The following DDX10 variants were observed in gnomAD, a reference collection of about 807,000 sequenced individuals.
The protein encoded by DDX10 is DEAD-box helicase 10.
DDX10 carries 74 observed loss-of-function variants against 104.3 expected under a neutral mutation model. The observed-to-expected ratio is 0.71, with a 90% confidence interval of 0.59 to 0.86. The LOEUF is 0.86. DDX10 is among the 40% of genes least tolerant of loss of function. The pLI, the probability that DDX10 is intolerant of heterozygous loss-of-function variation, is 0.00. For synonymous variants in DDX10, 351 were observed against 353.4 expected (o/e 0.99, Z 0.08); for missense variants, 952 against 1,040.0 (o/e 0.92, Z 1.16).
intron 13 of DDX10, among the ~76,000 whole-genome samples, chr11:108,811,092 C>T (rs890105442): frequency 1.3e-5 from 2 of 152,166 alleles, no homozygotes; most frequent in African/African-American, 2.4e-5. Context: ...TTGAATCAAT[C>T]ATAGCTGGCC....
chr11:108,803,078 C>T (rs1862046049), intron 13 of DDX10, among the ~76,000 whole-genome samples: 1 of 152,216 alleles, frequency 6.6e-6, no homozygotes, highest in African/African-American at 2.4e-5. Context: ...CTGTCTCCAG[C>T]AGCTTTTGTT....
intron 13 of DDX10, among the ~76,000 whole-genome samples, chr11:108,813,264 A>T (rs965481460): frequency 2.2e-4 from 33 of 150,924 alleles, no homozygotes; most frequent in African/African-American, 7.0e-4. Context: ...ATAATATCTG[A>T]TGCCACTTTT....
In DDX10 at chr11:108,896,688, G is replaced by A. The variant is rs1012123753; in HGVS notation, c.2305-21185G>A. 1.3e-4 allele frequency among the ~76,000 whole-genome samples: 20 copies of A among 152,270 alleles called. 1 individual carries two copies. Among genetic ancestry groups the A allele is most frequent in the Admixed American group, 9.2e-4 (14 of 15,286 alleles). ...TACATATTTAGAGGAATTCAAGCCA[G>A]TTTGGTATTATACATCTGTCCTCAT... is the stretch of plus-strand genomic sequence containing the variant. On this transcript the variant is annotated intron_variant, in intron 16 of 17. Coordinates refer to ENST00000322536, the MANE Select transcript of DDX10 (RefSeq NM_004398.4).
chr11:108,783,837 C>A (rs1279517234), intron 13 of DDX10, among the ~76,000 whole-genome samples: 2 of 152,044 alleles, frequency 1.3e-5, no homozygotes. Flanking sequence ...TTTAGTAGTC[C>A]CCAGTGTCTA....
chr11:108,842,916 C>T (rs1189206100), intron 15 of DDX10, among the ~76,000 whole-genome samples: 2 of 152,202 alleles, frequency 1.3e-5, no homozygotes, highest in Admixed American at 6.5e-5. Flanking sequence ...AATGTTCACC[C>T]TCTTCCCCTT....
intron 13 of DDX10, among the ~76,000 whole-genome samples, chr11:108,745,110 CCTTCCCCTTCCT>C (rs1170315280): frequency 0.02 from 2,454 of 121,346 alleles, 117 homozygotes; most frequent in African/African-American, 0.069. Context: ...CTCCCCCTCC[CCTTCCCCTTCCT>C]CTTCCCCTTC....
At chr11:108,791,837 G>T (rs545410790) in intron 13 of DDX10, among the ~76,000 whole-genome samples, 5 of 152,172 alleles carry the variant, frequency 3.3e-5, no homozygotes, top group Non-Finnish European at 5.9e-5. Flanking sequence ...GATAGTTAGT[G>T]TTTAAATTTT....
chr11:108,727,331 T>A (rs2094306560), intron 13 of DDX10, among the ~76,000 whole-genome samples: 2 of 152,104 alleles, frequency 1.3e-5, no homozygotes, highest in African/African-American at 4.8e-5. Flanking sequence ...CTTTCTTAAT[T>A]TGTGTATATA....
At chr11:108,770,295 A>G (rs1404781974) in intron 13 of DDX10, among the ~76,000 whole-genome samples, 3 of 152,160 alleles carry the variant, frequency 2.0e-5, no homozygotes, top group African/African-American at 7.2e-5. Flanking sequence ...AGTTACAGAC[A>G]ATTTGATTAT....
chr11:108,824,423 A>C (rs1353010393), intron 13 of DDX10, among the ~76,000 whole-genome samples: 2 of 152,116 alleles, frequency 1.3e-5, no homozygotes, highest in Non-Finnish European at 2.9e-5. Flanking sequence ...ATGTGACACA[A>C]GTTATCTTTA....
chr11:108,852,325 T>A, intron 16 of DDX10, 116 bp downstream of exon 16: 1 of 680,700 alleles, frequency 1.5e-6, no homozygotes, highest in Non-Finnish European at 2.4e-6. Context: ...TAAATCCTCT[T>A]CTTTTCAACA....
intron 9 of DDX10, among the ~76,000 whole-genome samples, chr11:108,695,933 G>A (rs574997151): frequency 2.0e-5 from 3 of 152,246 alleles, no homozygotes; most frequent in East Asian, 1.9e-4. Flanking sequence ...TTATGAATTA[G>A]TGGGTTCAAA....
chr11:108,678,984 C>T (rs984392233), intron 5 of DDX10, among the ~76,000 whole-genome samples: 5 of 150,528 alleles, frequency 3.3e-5, no homozygotes, highest in Non-Finnish European at 7.4e-5. Flanking sequence ...CTCAGCCTCC[C>T]GATAGCTGGG....
chr11:108,907,023 A>G (rs533966951), intron 16 of DDX10, among the ~76,000 whole-genome samples: 1 of 152,212 alleles, frequency 6.6e-6, no homozygotes, highest in African/African-American at 2.4e-5. Context: ...TGAATATTCC[A>G]AGTTCCGAAG....
chr11:108,895,331 A>G (rs986645864), intron 16 of DDX10, among the ~76,000 whole-genome samples: 1 of 151,720 alleles, frequency 6.6e-6, no homozygotes, highest in Non-Finnish European at 1.5e-5. Context: ...GTTATATCCA[A>G]GTCTCCTTTG....
In DDX10 at chr11:108,680,054, C is replaced by T. The variant is rs1017664986; in HGVS notation, c.848+494C>T. 2.6e-5 allele frequency among the ~76,000 whole-genome samples: 4 copies of T among 152,254 alleles called. No homozygotes were observed. The South Asian group carries it at 8.3e-4, about 32-fold the overall frequency. On this transcript the variant is annotated intron_variant, in intron 6 of 17. Transcript: ENST00000322536. ...TATGCAGTACTAATGTGTTATGGAA[C>T]ACATTTTATGAAGTGCATTAATATT...
At chr11:108,851,202 A>G (rs187560540) in intron 15 of DDX10, among the ~76,000 whole-genome samples, 398 of 152,230 alleles carry the variant, frequency 2.6e-3, no homozygotes, top group African/African-American at 8.8e-3. Context: ...TTAGTGTCTA[A>G]CACAGGAAAA....
chr11:108,747,675 C>T (rs1172240014), intron 13 of DDX10, among the ~76,000 whole-genome samples: 1 of 152,118 alleles, frequency 6.6e-6, no homozygotes, highest in Admixed American at 6.6e-5. Flanking sequence ...CCTATTACTT[C>T]CTAGTCTATC....
intron 13 of DDX10, among the ~76,000 whole-genome samples, chr11:108,724,562 A>T (rs1188442129): frequency 2.0e-5 from 3 of 152,086 alleles, no homozygotes; most frequent in Admixed American, 2.0e-4. Flanking sequence ...ATCCTGCTTC[A>T]AATTAGATCA....
Sources: allele counts gnomAD v4.1 joint callset (sites outside exome capture counted in the v4.1 genomes callset), GRCh38; gene constraint gnomAD v4.1.1; transcripts MANE v1.5; gene names NCBI Gene and HGNC (gene_info 2026-07-23, HGNC 2026-07-21).